PKD2: variants seen among roughly 807,000 people sequenced by gnomAD.
PKD2 encodes the protein polycystin-2.
PKD2 carries 48 observed loss-of-function variants against 105.9 expected under a neutral mutation model. The ratio of observed to expected loss-of-function variants is 0.45; its 90% confidence interval spans 0.36 to 0.58. The LOEUF is 0.58. Ranked by LOEUF, PKD2 falls within the 20% of genes least tolerant of loss-of-function variation. The pLI is 0.00. For synonymous variants in PKD2, 464 were observed against 481.1 expected (o/e 0.96, Z 0.46); for missense variants, 1,078 against 1,255.3 (o/e 0.86, Z 2.13).
chr4:88,031,156 T>G lies in PKD2; in HGVS notation c.710-5064T>G, dbSNP rs79375612. On this transcript the variant is annotated intron_variant, in intron 2 of 14. Transcript: ENST00000237596. Reference sequence around the variant, plus strand: ...GATTATGAGGGTAAGCGACCAATACTCTACAGTGTATTGTATTGCCAGATG... The same window carrying G: ...GATTATGAGGGTAAGCGACCAATACGCTACAGTGTATTGTATTGCCAGATG... Among the ~76,000 whole-genome samples the G allele has an allele frequency of 6.0e-3, 912 of 152,340 alleles. 13 individuals are homozygous for G. The highest frequency in any genetic ancestry group is 0.021 in the African/African-American group (856 of 41,570).
chr4:88,043,141 A>G, intron 4 of PKD2, 92 bp from the exon 5 acceptor site: 4 of 823,602 alleles, frequency 4.9e-6, no homozygotes, highest in Non-Finnish European at 8.3e-6. Context: ...CTTAATACAT[A>G]CTTTATTTTA....
At chr4:88,057,693 C>T (rs1434512493) in intron 8 of PKD2, among the ~76,000 whole-genome samples, 1 of 152,094 alleles carries the variant, frequency 6.6e-6, no homozygotes, top group Non-Finnish European at 1.5e-5. Context: ...CTCGGCCTCC[C>T]AAAGTGCTGG....
rs552302848 is a variant in PKD2 at position 88,040,075 on chromosome 4, C to T, written c.1094+1574C>T. ...TTTAAGAAGTTATTTCACGCATTAT[C>T]TCATCTGCCTTCACAAAACAACTCT... is the stretch of plus-strand genomic sequence containing the variant. On this transcript the variant is annotated intron_variant, in intron 4 of 14. Coordinates refer to ENST00000237596, the MANE Select transcript of PKD2 (RefSeq NM_000297.4). Among the ~76,000 whole-genome samples the T allele has an allele frequency of 1.3e-4, 20 of 152,298 alleles. No individual in the cohort carries two copies. The South Asian group carries it at 2.5e-3, about 19-fold the overall frequency.
In PKD2 at chr4:88,075,568, T is replaced by C. The variant is rs770114447; in HGVS notation, c.2781T>C (p.His927=). Residue 927 remains histidine, a synonymous_variant, in exon 15 of 15, where the codon CAT becomes CAC. Coordinates refer to ENST00000237596, the MANE Select transcript of PKD2 (RefSeq NM_000297.4). ...ESDDAASQIS[H]GLGTPVGLNG... ...ATGATGCAGCTTCCCAGATCAGTCA[T>C]GGTTTAGGCACGCCAGTGGGACTAA... 5 of 1,614,152 alleles carry C rather than the reference T, an allele frequency of 3.1e-6. No individual in the cohort carries two copies. The highest frequency in any genetic ancestry group is 4.2e-6 in the Non-Finnish European group (5 of 1,180,014).
chr4:88,037,770 G>A (rs891561550), intron 3 of PKD2, among the ~76,000 whole-genome samples: 8 of 152,196 alleles, frequency 5.3e-5, no homozygotes, highest in Non-Finnish European at 2.9e-5. Flanking sequence ...CTAAAGGGAC[G>A]AGGAGGGATT....
chr4:88,052,140 AT>A lies in PKD2; in HGVS notation c.1704del (p.Phe568LeufsTer16). On this transcript the variant is annotated frameshift_variant, in exon 7 of 15. Coordinates refer to ENST00000237596, the MANE Select transcript of PKD2 (RefSeq NM_000297.4). LOFTEE classifies it high-confidence loss of function. ...QFNNIAAVTV[F>X]FVWIKLFKFI... ...TCAACAATATAGCTGCTGTCACAGT[AT>A]TTTTTGTCTGGATTAAGGTAATTTA... The A allele has an allele frequency of 6.3e-7, 1 of 1,598,640 alleles. No individual in the cohort carries two copies. Among genetic ancestry groups the A allele is most frequent in the Non-Finnish European group, 8.6e-7 (1 of 1,166,550 alleles).
chr4:88,029,162 T>C (rs1176578991), intron 2 of PKD2, among the ~76,000 whole-genome samples: 1 of 152,190 alleles, frequency 6.6e-6, no homozygotes, highest in Non-Finnish European at 1.5e-5. Flanking sequence ...TCCAGTGGCA[T>C]TTGGCATTCT....
intron 2 of PKD2, 22 bp downstream of exon 2, chr4:88,019,593 A>G: frequency 8.0e-7 from 1 of 1,249,688 alleles, no homozygotes; most frequent in African/African-American, 1.5e-5. Flanking sequence ...ATTTCCTTGC[A>G]CTAATGGGAA....
At chr4:88,016,748 C>A (rs1340643863) in intron 1 of PKD2, among the ~76,000 whole-genome samples, 1 of 151,432 alleles carries the variant, frequency 6.6e-6, no homozygotes, top group Middle Eastern at 3.3e-3. Flanking sequence ...ATTGCTTGAG[C>A]TCAGGAGTTT....
chr4:88,068,053 G>A lies in PKD2; in HGVS notation c.2514G>A (p.Glu838=). The A allele has an allele frequency of 6.2e-7, 1 of 1,614,022 alleles. No individual in the cohort carries two copies. The highest frequency in any genetic ancestry group is 8.5e-7 in the Non-Finnish European group (1 of 1,179,902). Residue 838 remains glutamate, a synonymous_variant, in exon 13 of 15, where the codon GAG becomes GAA. Coordinates refer to ENST00000237596, the MANE Select transcript of PKD2 (RefSeq NM_000297.4). ...TTTCTAGTGGCGTTTCTTACGAAGA[G>A]TTTCAAGTGTAAGTATAAAGGAATT... ...GSISSGVSYE[E]FQVLVRRVDR...
chr4:88,043,745 C>T (rs904444951), intron 5 of PKD2, among the ~76,000 whole-genome samples: 1 of 152,172 alleles, frequency 6.6e-6, no homozygotes, highest in Non-Finnish European at 1.5e-5. Context: ...TTTCTAACAT[C>T]TGTCTTTACC....
chr4:88,040,292 T>C (rs1483565258), intron 4 of PKD2, among the ~76,000 whole-genome samples: 3 of 152,178 alleles, frequency 2.0e-5, no homozygotes, highest in Non-Finnish European at 4.4e-5. Context: ...TTGTCGACGC[T>C]CTCAGCTCCC....
chr4:88,020,310 C>T (rs1726703882), intron 2 of PKD2, among the ~76,000 whole-genome samples: 1 of 152,186 alleles, frequency 6.6e-6, no homozygotes, highest in Admixed American at 6.5e-5. Flanking sequence ...ATATCCCCTT[C>T]TTTTGGATTT....
chr4:88,025,207 C>T (rs1031914295), intron 2 of PKD2, among the ~76,000 whole-genome samples: 1 of 152,022 alleles, frequency 6.6e-6, no homozygotes, highest in African/African-American at 2.4e-5. Context: ...CTTATAATCC[C>T]AGTACTCTAG....
intron 7 of PKD2, among the ~76,000 whole-genome samples, chr4:88,054,676 ACGGAGT>A (rs1720255050): frequency 1.2e-5 from 1 of 81,234 alleles, no homozygotes; most frequent in African/African-American, 7.1e-5. Flanking sequence ...TTTTTTTGGG[ACGGAGT>A]CTTGCTCTGT....
rs1239952201 is a variant in PKD2, at chr4:88,077,623, G to C, written c.*1929G>C. On this transcript the variant is annotated 3_prime_UTR_variant, in exon 15 of 15. Transcript: ENST00000237596. ...TATATTTTTCTTCTTTAGTCATGGA[G>C]AACTCCCCCCCTCATCTCTTCCCTA... 6.6e-6 allele frequency: 1 copy of C among 152,238 alleles called. No individual in the cohort carries two copies. The highest frequency in any genetic ancestry group is 1.9e-4 in the East Asian group (1 of 5,186). 9.4% of individuals were successfully genotyped at this position (152,238 alleles called of 1,614,324 possible). A position where few individuals can be genotyped will look rare whatever the true frequency, so the allele number is the denominator to read the frequency against.
rs1037715951 is a variant in PKD2 at position 88,007,809 on chromosome 4, C to T, written c.76C>T (p.Pro26Ser). 3.2e-5 allele frequency: 37 copies of T among 1,167,386 alleles called. No homozygotes were observed. The highest frequency in any genetic ancestry group is 9.4e-5 in the Admixed American group (2 of 21,286). The allele number at this position is 1,167,386 out of a possible 1,614,324, so 72.3% of individuals were successfully genotyped here. ...KRPPAPRAPDPGRLMAGCAAV... is the reference protein window; with the variant it reads ...KRPPAPRAPDSGRLMAGCAAV... The stretch of plus-strand genomic sequence containing the variant: ...GCCGCCCGCGCCCCGCGCGCCGGAC[C>T]CGGGCCGGCTGATGGCTGGCTGCGC... The change falls in exon 1 of 15, where the codon CCG becomes TCG. Residue 26 changes from proline (P) to serine (S), a missense_variant. Physicochemically the swap from Pro to Ser is moderately conservative, Grantham distance 74. Transcript: ENST00000237596.
In PKD2 at chr4:88,054,178, C is replaced by T. The variant is rs796254400; in HGVS notation, c.1717-1908C>T. 6.6e-5 allele frequency among the ~76,000 whole-genome samples: 10 copies of T among 151,914 alleles called. No individual in the cohort carries two copies. The South Asian group carries it at 1.2e-3, about 19-fold the overall frequency. ...TGGGAGGCTGAGGCGGGCAGATCAC[C>T]TGACGTCGGGTTTGAGACCAGCCTG... is the stretch of plus-strand genomic sequence containing the variant. On this transcript the variant is annotated intron_variant, in intron 7 of 14. Coordinates refer to ENST00000237596, the MANE Select transcript of PKD2 (RefSeq NM_000297.4).
intron 5 of PKD2, among the ~76,000 whole-genome samples, chr4:88,045,920 A>G (rs1298606386): frequency 6.6e-6 from 1 of 152,162 alleles, no homozygotes; most frequent in African/African-American, 2.4e-5. Context: ...TCTCAACCAG[A>G]TTACACATGT....
Sources: allele counts gnomAD v4.1 joint callset (sites outside exome capture counted in the v4.1 genomes callset), GRCh38; gene constraint gnomAD v4.1.1; transcripts MANE v1.5; gene names NCBI Gene and HGNC (gene_info 2026-07-23, HGNC 2026-07-21).